The following PTPRT variants were observed in gnomAD, a reference collection of about 807,000 sequenced individuals.
The protein encoded by PTPRT is receptor-type tyrosine-protein phosphatase T.
Under a neutral mutation model 176.8 loss-of-function variants are expected in PTPRT, and 56 were observed. That is an observed-to-expected ratio of 0.32 (90% confidence interval 0.26 to 0.40). PTPRT has a LOEUF of 0.40. Among genes scored for constraint, PTPRT ranks in the 10% least tolerant of loss-of-function variants. PTPRT has a pLI of 1.00. For missense variants in PTPRT, 1,540 were observed against 1,908.2 expected (o/e 0.81, Z 3.60); for synonymous variants, 783 against 739.0 (o/e 1.06, Z -0.96).
chr20:42,479,246 T>C (rs1009753467), intron 7 of PTPRT, among the ~76,000 whole-genome samples: 4 of 152,378 alleles, frequency 2.6e-5, no homozygotes, highest in Middle Eastern at 3.4e-3. Flanking sequence ...CTGTAGCATA[T>C]GTACTGTTCA....
intron 2 of PTPRT, among the ~76,000 whole-genome samples, chr20:42,873,838 AT>A (rs1052492517): frequency 1.3e-5 from 2 of 152,150 alleles, no homozygotes; most frequent in Non-Finnish European, 2.9e-5. Flanking sequence ...GTTGGACTTT[AT>A]TTTTTAGAGA....
Position 43,038,972 on chromosome 20 carries a change from TAAGAG to T in PTPRT, c.88+150669_88+150673del, listed in dbSNP as rs545762499. ...TGCCAGGAGGTATGTTGTACTTAGATAAGAGAAATCAACACTGTGAAAATGCCTGA... is the reference window on the plus strand; with the variant it reads ...TGCCAGGAGGTATGTTGTACTTAGATAAATCAACACTGTGAAAATGCCTGA... On this transcript the variant is annotated intron_variant, in intron 1 of 30. Coordinates refer to ENST00000373187, the MANE Select transcript of PTPRT (RefSeq NM_007050.6). Among the ~76,000 whole-genome samples the T allele has an allele frequency of 1.6e-3, 247 of 152,336 alleles. No individual in the cohort carries two copies. The Middle Eastern group carries it at 0.02, about 13-fold the overall frequency.
Position 42,110,341 on chromosome 20 carries a change from G to A in PTPRT, c.3246C>T (p.Val1082=), listed in dbSNP as rs2146290589. 1 of 1,609,408 alleles carries A rather than the reference G, an allele frequency of 6.2e-7. No individual in the cohort carries two copies. Among genetic ancestry groups the A allele is most frequent in the Non-Finnish European group, 8.5e-7 (1 of 1,176,914 alleles). Residue 1082 remains valine (V), a synonymous_variant, in exon 23 of 31, where the codon GTC becomes GTT. Transcript: ENST00000373187. ...AAGGACCTTTGACTTACCTGCAGTG[G>A]ACCACTATGGGCCCAGCTTCCGGGG... The part of the protein sequence containing the change: ...LNPPEAGPIV[V]HCSAGAGRTG...
intron 2 of PTPRT, among the ~76,000 whole-genome samples, chr20:42,849,202 G>C (rs1450950852): frequency 1.3e-5 from 2 of 152,048 alleles, no homozygotes; most frequent in African/African-American, 4.8e-5. Context: ...CCATGCTGAG[G>C]AAACAGGGGT....
intron 2 of PTPRT, among the ~76,000 whole-genome samples, chr20:42,885,320 A>C (rs2079084777): frequency 6.8e-6 from 1 of 147,680 alleles, no homozygotes; most frequent in Non-Finnish European, 1.5e-5. Context: ...TAAGTATATA[A>C]AATATATGTA....
intron 1 of PTPRT, among the ~76,000 whole-genome samples, chr20:43,030,557 C>A (rs146863867): frequency 2.8e-4 from 42 of 151,494 alleles, no homozygotes; most frequent in Middle Eastern, 3.5e-3. Flanking sequence ...CTCTGTTGTT[C>A]AGTGAGGATG....
intron 19 of PTPRT, among the ~76,000 whole-genome samples, chr20:42,127,419 A>T (rs369948409): frequency 6.6e-4 from 100 of 151,552 alleles, no homozygotes; most frequent in East Asian, 1.2e-3. Context: ...TCTCTCTCTC[A>T]CACACACACA....
At chr20:42,167,958 C>G (rs568810118) in intron 16 of PTPRT, among the ~76,000 whole-genome samples, 29 of 152,132 alleles carry the variant, frequency 1.9e-4, no homozygotes, top group Non-Finnish European at 2.9e-5. Context: ...GAGCAGAAGC[C>G]TTATTGATAA....
chr20:43,144,141 T>C (rs1051034187), intron 1 of PTPRT, among the ~76,000 whole-genome samples: 2 of 152,318 alleles, frequency 1.3e-5, no homozygotes, highest in East Asian at 3.9e-4. Context: ...ATCAACTTTG[T>C]GCCAATGGCT....
chr20:42,648,954 G>A (rs185455081), intron 7 of PTPRT, among the ~76,000 whole-genome samples: 2 of 151,854 alleles, frequency 1.3e-5, no homozygotes, highest in South Asian at 2.1e-4. Context: ...GAGTAGCTGG[G>A]ACTACAGGCA....
At position 42,475,849 on chromosome 20, in the gene PTPRT, C is replaced by T. The variant is rs188112377; in HGVS notation, c.1154-3287G>A. ...ATCTTTTTAAAGAAGACAAGGATAT[C>T]GTGATCTTGCCACACAGCAAAGAGA... is the stretch of plus-strand genomic sequence containing the variant. On this transcript the variant is annotated intron_variant, in intron 7 of 30. Coordinates refer to ENST00000373187, the MANE Select transcript of PTPRT (RefSeq NM_007050.6). 2.4e-3 allele frequency among the ~76,000 whole-genome samples: 358 copies of T among 152,252 alleles called. 2 individuals are homozygous for T. Among genetic ancestry groups the T allele is most frequent in the Middle Eastern group, 0.01 (3 of 294 alleles).
At chr20:42,260,554 G>A (rs1568717872) in intron 13 of PTPRT, among the ~76,000 whole-genome samples, 1 of 152,210 alleles carries the variant, frequency 6.6e-6, no homozygotes, top group Non-Finnish European at 1.5e-5. Context: ...GAGAGCTGTG[G>A]TCACACTGAA....
intron 7 of PTPRT, among the ~76,000 whole-genome samples, chr20:42,636,600 C>G (rs779035649): frequency 4.6e-5 from 7 of 151,886 alleles, no homozygotes; most frequent in Non-Finnish European, 1.0e-4. Context: ...GCCTGGCCAA[C>G]ACGGTAAAAC....
rs370751118 is a variant in PTPRT, at chr20:42,808,602, G to A, written c.215-17136C>T. Among the ~76,000 whole-genome samples, 10 of 152,280 alleles carry A rather than the reference G, an allele frequency of 6.6e-5. No individual in the cohort carries two copies. In the East Asian group the frequency reaches 7.7e-4, roughly 12 times the overall value. On this transcript the variant is annotated intron_variant, in intron 2 of 30. Coordinates refer to ENST00000373187, the MANE Select transcript of PTPRT (RefSeq NM_007050.6). ...AGGAGCCCATGGGTGTTTATCAGAA[G>A]AAATGGGACGTAATAAAATATTCAT...
chr20:42,121,968 G>A (rs1284712684), intron 19 of PTPRT, among the ~76,000 whole-genome samples: 2 of 152,118 alleles, frequency 1.3e-5, no homozygotes, highest in Non-Finnish European at 2.9e-5. Flanking sequence ...TAAATAATGT[G>A]TACATATGGA....
At chr20:42,993,389 C>A (rs1012199514) in intron 1 of PTPRT, among the ~76,000 whole-genome samples, 1 of 144,476 alleles carries the variant, frequency 6.9e-6, no homozygotes, top group Non-Finnish European at 1.5e-5. Flanking sequence ...CTGCACTCCA[C>A]CCTGGGTGAC....
intron 20 of PTPRT, among the ~76,000 whole-genome samples, chr20:42,119,650 GC>G (rs1192038396): frequency 6.6e-6 from 1 of 152,154 alleles, no homozygotes; most frequent in Non-Finnish European, 1.5e-5. Context: ...GAAGCTCCTT[GC>G]TCTGTCACTC....
intron 1 of PTPRT, among the ~76,000 whole-genome samples, chr20:43,088,333 G>GGT (rs67837016): frequency 0.089 from 12,769 of 142,686 alleles, 547 homozygotes; most frequent in Non-Finnish European, 0.1. Flanking sequence ...TTTGCTTTGG[G>GGT]GTGTGTGTGT....
intron 16 of PTPRT, among the ~76,000 whole-genome samples, chr20:42,175,777 T>G (rs956474853): frequency 1.3e-5 from 2 of 152,138 alleles, no homozygotes; most frequent in Admixed American, 6.6e-5. Context: ...TTTCCTTTGA[T>G]ATGCATAAAA....
Sources: gnomAD v4.1 joint callset for allele counts (sites outside exome capture counted in the v4.1 genomes callset) on GRCh38, gnomAD v4.1.1 for gene constraint, MANE v1.5 for transcripts, NCBI Gene and HGNC (gene_info 2026-07-23, HGNC 2026-07-21) for gene names.